MAP7: variants seen among roughly 807,000 people sequenced by gnomAD.
MAP7 encodes microtubule associated protein 7, also known as ensconsin.
MAP7 carries 52 observed loss-of-function variants against 94.8 expected under a neutral mutation model. The ratio of observed to expected loss-of-function variants is 0.55; its 90% confidence interval spans 0.44 to 0.69. MAP7 has a LOEUF of 0.69. Ranked by LOEUF, MAP7 falls within the 30% of genes least tolerant of loss-of-function variation. The pLI is 0.00. For missense variants in MAP7, 940 were observed against 964.6 expected (o/e 0.97, Z 0.34); for synonymous variants, 350 against 357.0 (o/e 0.98, Z 0.22).
At chr6:136,399,950 G>C (rs1207211535) in intron 3 of MAP7, among the ~76,000 whole-genome samples, 2 of 152,094 alleles carry the variant, frequency 1.3e-5, no homozygotes, top group Non-Finnish European at 2.9e-5. Context: ...TCATTTAATA[G>C]TCAAGAAACA....
In MAP7 at chr6:136,535,943, G is replaced by A. The variant is rs548637349; in HGVS notation, c.67+14399C>T. On this transcript the variant is annotated intron_variant, in intron 1 of 17. Coordinates refer to ENST00000354570, the MANE Select transcript of MAP7 (RefSeq NM_003980.6). ...CCCAGTGTGTGATGTTCCCCTTCCCGTGTCCAAGTGTTCTCACTGTTCAGT... is the reference window on the plus strand; with the variant it reads ...CCCAGTGTGTGATGTTCCCCTTCCCATGTCCAAGTGTTCTCACTGTTCAGT... 1.7e-3 allele frequency among the ~76,000 whole-genome samples: 251 copies of A among 148,382 alleles called. 1 individual carries two copies. The highest frequency in any genetic ancestry group is 5.9e-3 in the African/African-American group (237 of 40,204).
intron 1 of MAP7, among the ~76,000 whole-genome samples, chr6:136,448,540 A>C (rs1231088404): frequency 2.0e-5 from 3 of 151,702 alleles, no homozygotes; most frequent in Non-Finnish European, 4.4e-5. Flanking sequence ...TCAGCCTCCC[A>C]AGTAGCTGGG....
intron 7 of MAP7, among the ~76,000 whole-genome samples, chr6:136,375,718 T>C (rs1775918144): frequency 6.6e-6 from 1 of 152,130 alleles, no homozygotes; most frequent in South Asian, 2.1e-4. Flanking sequence ...AAGCAGGCAA[T>C]GTATTGACAA....
At chr6:136,442,140 T>G (rs1230108088) in intron 1 of MAP7, among the ~76,000 whole-genome samples, 1 of 152,162 alleles carries the variant, frequency 6.6e-6, no homozygotes, top group Admixed American at 6.5e-5. Context: ...TGGTGACTCA[T>G]GCCTGTAATT....
At chr6:136,349,289 A>G (rs1788495926) in intron 16 of MAP7, among the ~76,000 whole-genome samples, 1 of 152,222 alleles carries the variant, frequency 6.6e-6, no homozygotes, top group Admixed American at 6.5e-5. Context: ...TATTTCAAGT[A>G]TTTTATAAAC....
At position 136,518,836 on chromosome 6, in the gene MAP7, G is replaced by T. The variant is rs112613889; in HGVS notation, c.67+31506C>A. Reference sequence around the variant, plus strand: ...ATATCTAAGAGTTATCAGCTGGGAGGCTCTAAGTAAACACTTAATTGTGTT... The same window carrying T: ...ATATCTAAGAGTTATCAGCTGGGAGTCTCTAAGTAAACACTTAATTGTGTT... On this transcript the variant is annotated intron_variant, in intron 1 of 17. Transcript: ENST00000354570. 7.1e-3 allele frequency among the ~76,000 whole-genome samples: 1,075 copies of T among 152,272 alleles called. 15 individuals carry two copies. The highest frequency in any genetic ancestry group is 0.025 in the African/African-American group (1,028 of 41,536).
intron 1 of MAP7, among the ~76,000 whole-genome samples, chr6:136,513,026 G>C (rs1342537545): frequency 7.7e-6 from 1 of 130,500 alleles, no homozygotes; most frequent in East Asian, 2.7e-4. Context: ...TTTGTTTTTG[G>C]TAGAGGCAGG....
At chr6:136,453,491 G>A (rs1487259549) in intron 1 of MAP7, among the ~76,000 whole-genome samples, 1 of 152,114 alleles carries the variant, frequency 6.6e-6, no homozygotes, top group Non-Finnish European at 1.5e-5. Flanking sequence ...TACGCTTTCC[G>A]GACAATCTAG....
At chr6:136,381,558 A>G (rs960873080) in intron 6 of MAP7, among the ~76,000 whole-genome samples, 1 of 152,138 alleles carries the variant, frequency 6.6e-6, no homozygotes, top group African/African-American at 2.4e-5. Flanking sequence ...TAAGCCTTTC[A>G]GGGTTCTACT....
At chr6:136,514,600 A>C (rs1002098737) in intron 1 of MAP7, among the ~76,000 whole-genome samples, 1 of 151,754 alleles carries the variant, frequency 6.6e-6, no homozygotes, top group Non-Finnish European at 1.5e-5. Flanking sequence ...AAAAAAAAAA[A>C]AAAAAAAGAA....
At chr6:136,518,394 C>G (rs908963162) in intron 1 of MAP7, among the ~76,000 whole-genome samples, 5 of 152,136 alleles carry the variant, frequency 3.3e-5, no homozygotes, top group Non-Finnish European at 7.3e-5. Flanking sequence ...AAAACAGGAC[C>G]TGCATTTTAC....
chr6:136,508,341 A>G (rs1822209158), intron 1 of MAP7, among the ~76,000 whole-genome samples: 1 of 152,142 alleles, frequency 6.6e-6, no homozygotes. Context: ...AAAAAGAAAG[A>G]AAAGAAAATT....
In MAP7 at chr6:136,421,788, A is replaced by T; in HGVS notation, c.79T>A (p.Tyr27Asn). 1 of 1,611,018 alleles carries T rather than the reference A, an allele frequency of 6.2e-7. No individual in the cohort carries two copies. The highest frequency in any genetic ancestry group is 1.1e-5 in the South Asian group (1 of 90,122). Residue 27 changes from tyrosine (Y) to asparagine (N), a missense_variant, in exon 2 of 18, where the codon TAC becomes AAC. Tyr to Asn is a moderately radical substitution (Grantham distance 143, BLOSUM62 -2). Coordinates refer to ENST00000354570, the MANE Select transcript of MAP7 (RefSeq NM_003980.6). Reference sequence around the variant, plus strand: ...GCATTTTTCTTATCTTGCACTTTGTAGCTGTCGGGTGCTACAGAAATGAGA... The same window carrying T: ...GCATTTTTCTTATCTTGCACTTTGTTGCTGTCGGGTGCTACAGAAATGAGA... ...AVRSETAPDS[Y>N]KVQDKKNASS...
At chr6:136,377,345 C>T (rs1441062826) in intron 7 of MAP7, among the ~76,000 whole-genome samples, 3 of 152,196 alleles carry the variant, frequency 2.0e-5, no homozygotes, top group Non-Finnish European at 1.5e-5. Flanking sequence ...CATTATGAAA[C>T]TATATGCTGA....
intron 1 of MAP7, among the ~76,000 whole-genome samples, chr6:136,481,187 C>T (rs530322155): frequency 3.3e-5 from 5 of 152,102 alleles, no homozygotes; most frequent in Non-Finnish European, 5.9e-5. Flanking sequence ...TTAATTAGTA[C>T]AACTACTATG....
chr6:136,490,408 G>T (rs551217807), intron 1 of MAP7, among the ~76,000 whole-genome samples: 3 of 152,102 alleles, frequency 2.0e-5, no homozygotes, highest in Non-Finnish European at 4.4e-5. Flanking sequence ...AAACTTAGCT[G>T]GTTATCATGC....
At chr6:136,458,021 TG>T (rs774222883) in intron 1 of MAP7, among the ~76,000 whole-genome samples, 1 of 152,144 alleles carries the variant, frequency 6.6e-6, no homozygotes, top group Non-Finnish European at 1.5e-5. Context: ...TGATCTTATT[TG>T]TAAAAAAAAC....
intron 1 of MAP7, among the ~76,000 whole-genome samples, chr6:136,433,554 G>GT (rs1024273093): frequency 4.6e-5 from 7 of 152,168 alleles, no homozygotes; most frequent in African/African-American, 1.2e-4. Context: ...GGTACATAGC[G>GT]TAACAGTGAA....
At position 136,411,673 on chromosome 6, in the gene MAP7, T is replaced by C. The variant is rs1329706491; in HGVS notation, c.191A>G (p.Asp64Gly). ...KPDPPPVLRV[D>G]DRQRLARERR... ...CTCCCGGGCCAGCCGCTGCCGGTCATCAACACGTAACACAGGCGGAGGGTC... is the reference window on the plus strand; with the variant it reads ...CTCCCGGGCCAGCCGCTGCCGGTCACCAACACGTAACACAGGCGGAGGGTC... The change falls in exon 3 of 18, where the codon GAT (aspartate) becomes GGT (glycine). Residue 64 changes from aspartate to glycine, a missense_variant. By Grantham distance (94) the Asp-to-Gly change is moderately conservative. Coordinates refer to ENST00000354570, the MANE Select transcript of MAP7 (RefSeq NM_003980.6). 6.4e-7 allele frequency: 1 copy of C among 1,566,528 alleles called. No individual in the cohort carries two copies.
Sources: gnomAD v4.1 joint callset for allele counts (sites outside exome capture counted in the v4.1 genomes callset) on GRCh38, gnomAD v4.1.1 for gene constraint, MANE v1.5 for transcripts, NCBI Gene and HGNC (gene_info 2026-07-23, HGNC 2026-07-21) for gene names.